The following PIGU variants were observed in gnomAD, a reference collection of about 807,000 sequenced individuals.
PIGU encodes the protein phosphatidylinositol glycan anchor biosynthesis class U, also known as GPI-anchor transamidase component PIGU.
A neutral mutation model predicts 49.9 loss-of-function variants in PIGU; 24 were observed. The ratio of observed to expected loss-of-function variants is 0.48; its 90% CI spans 0.35 to 0.68. The LOEUF is 0.68. Among genes scored for constraint, PIGU ranks in the 30% least tolerant of loss-of-function variants. PIGU has a pLI of 0.01. For missense variants in PIGU, 490 were observed against 532.6 expected, an observed-to-expected ratio of 0.92 and a Z score of 0.79; for synonymous variants, 220 against 205.7, an observed-to-expected ratio of 1.07 and a Z score of -0.59.
chr20:34,585,055 AAACTCC>A, intron 9 of PIGU, among the ~76,000 whole-genome samples: 1 of 152,112 alleles, frequency 6.6e-6, no homozygotes, highest in African/African-American at 2.4e-5. Context: ...GGCTGGTCTC[AAACTCC>A]TGGCCTCAAG....
chr20:34,644,852 C>T (rs1167014887), intron 3 of PIGU, among the ~76,000 whole-genome samples: 1 of 152,108 alleles, frequency 6.6e-6, no homozygotes, highest in African/African-American at 2.4e-5. Flanking sequence ...AATCTCAGAG[C>T]TAGAAAATTC....
At chr20:34,654,491 A>C (rs1986647916) in intron 2 of PIGU, among the ~76,000 whole-genome samples, 1 of 115,808 alleles carries the variant, frequency 8.6e-6, no homozygotes, top group Non-Finnish European at 1.8e-5. Flanking sequence ...CAAAAAAAAA[A>C]AAAAAAAAGT....
intron 6 of PIGU, among the ~76,000 whole-genome samples, chr20:34,620,047 CAA>C: frequency 6.6e-6 from 1 of 152,142 alleles, no homozygotes; most frequent in Non-Finnish European, 1.5e-5. Flanking sequence ...AGCGGTCTCC[CAA>C]CCACCTCCCA....
At chr20:34,608,146 C>T (rs1984686220) in intron 7 of PIGU, among the ~76,000 whole-genome samples, 2 of 149,680 alleles carry the variant, frequency 1.3e-5, no homozygotes, top group Non-Finnish European at 3.0e-5. Context: ...GCGATCTCGG[C>T]TCACTGCAAC....
chr20:34,638,929 C>CTTAAATGAGATTTAA (rs1986058018), intron 4 of PIGU, among the ~76,000 whole-genome samples: 1 of 152,124 alleles, frequency 6.6e-6, no homozygotes, highest in African/African-American at 2.4e-5. Context: ...ATCAAAGAAT[C>CTTAAATGAGATTTAA]TCATTTAGAC....
At chr20:34,650,700 C>CTTTTTTATTTTTTTTTTTT (rs1986510004) in intron 2 of PIGU, among the ~76,000 whole-genome samples, 1 of 38,778 alleles carries the variant, frequency 2.6e-5, no homozygotes, top group Non-Finnish European at 4.4e-5. Flanking sequence ...CTTTTTTTCT[C>CTTTTTTATTTTTTTTTTTT]TTTTTTTTTT....
intron 6 of PIGU, among the ~76,000 whole-genome samples, chr20:34,631,391 G>T (rs1985702962): frequency 6.6e-6 from 1 of 151,800 alleles, no homozygotes; most frequent in African/African-American, 2.4e-5. Flanking sequence ...GTAGAATTTG[G>T]AAAAGTTGTT....
intron 9 of PIGU, among the ~76,000 whole-genome samples, chr20:34,582,576 A>C (rs1290638047): frequency 6.6e-6 from 1 of 152,036 alleles, no homozygotes; most frequent in Non-Finnish European, 1.5e-5. Context: ...GCTATTCAGG[A>C]GGCTGAGGTG....
In PIGU at chr20:34,656,378, G is replaced by A. The variant is rs1463919907; in HGVS notation, c.195+802C>T. ...GCTCACTGCAAGCTCCACCTCCCGG[G>A]TTCGCGCCATTCTCCTGCCTCAGCC... On this transcript the variant is annotated intron_variant, in intron 2 of 11. Transcript: ENST00000217446. Among the ~76,000 whole-genome samples the A allele has an allele frequency of 6.2e-5, 7 of 113,424 alleles. 3 individuals carry two copies. In the Admixed American group the frequency reaches 8.2e-4, roughly 13 times the overall value. The allele number at this position is 113,424 out of a possible 152,430, so 74.4% of individuals were successfully genotyped here. A position where few individuals can be genotyped will look rare whatever the true frequency, so the allele number is the denominator to read the frequency against.
intron 11 of PIGU, chr20:34,562,502 T>C (rs2146686621): frequency 7.8e-7 from 1 of 1,289,376 alleles, no homozygotes; most frequent in Non-Finnish European, 1.0e-6. Flanking sequence ...GAAGGTGTCC[T>C]GTCACCAGCA....
intron 7 of PIGU, among the ~76,000 whole-genome samples, chr20:34,600,808 G>T (rs936132384): frequency 3.3e-5 from 5 of 152,162 alleles, no homozygotes; most frequent in African/African-American, 1.2e-4. Flanking sequence ...GCTGAGGCAG[G>T]TAGATCACCT....
intron 2 of PIGU, among the ~76,000 whole-genome samples, chr20:34,655,106 A>C (rs549047489): frequency 1.7e-5 from 2 of 119,806 alleles, no homozygotes; most frequent in South Asian, 4.8e-4. Context: ...CAGGAGTTCA[A>C]GACCAGCCTG....
intron 1 of PIGU, among the ~76,000 whole-genome samples, chr20:34,660,051 A>T (rs77366453): frequency 6.7e-6 from 1 of 149,508 alleles, no homozygotes; most frequent in Non-Finnish European, 1.5e-5. Context: ...TGATCAATAA[A>T]AAAAAAAAAA....
At chr20:34,562,091 A>C (rs1463514179) in intron 11 of PIGU, among the ~76,000 whole-genome samples, 2 of 152,152 alleles carry the variant, frequency 1.3e-5, no homozygotes, top group Non-Finnish European at 2.9e-5. Context: ...AGCTCAGCCC[A>C]CTGTCTCTTC....
At chr20:34,624,767 G>T (rs1054401537) in intron 6 of PIGU, among the ~76,000 whole-genome samples, 4 of 152,098 alleles carry the variant, frequency 2.6e-5, no homozygotes, top group Admixed American at 6.5e-5. Flanking sequence ...ATATCAACCT[G>T]CCCAAAGACC....
chr20:34,605,585 A>T (rs1257498058), intron 7 of PIGU, among the ~76,000 whole-genome samples: 7 of 152,228 alleles, frequency 4.6e-5, no homozygotes, highest in African/African-American at 1.7e-4. Flanking sequence ...GACATGTATT[A>T]ACCCTTTGCA....
chr20:34,566,048 G>A (rs918621257), intron 11 of PIGU, among the ~76,000 whole-genome samples: 4 of 151,066 alleles, frequency 2.6e-5, no homozygotes, highest in South Asian at 2.1e-4. Flanking sequence ...ATACACGCAC[G>A]CTCTCACTGC....
rs1177427831 is a variant in PIGU, at chr20:34,656,324, C to T, written c.195+856G>A. ...TTGAGACGGAGTCTCGCTCTGTCAC[C>T]CAGGCTGGAGTGCAGTGGTGCGATC... On this transcript the variant is annotated intron_variant, in intron 2 of 11. Coordinates refer to ENST00000217446, the MANE Select transcript of PIGU (RefSeq NM_080476.5). Among the ~76,000 whole-genome samples, 4 of 101,274 alleles carry T rather than the reference C, an allele frequency of 3.9e-5. 1 individual carries two copies. The South Asian group carries it at 1.1e-3, about 28-fold the overall frequency. The allele number at this position is 101,274 out of a possible 152,430, so 66.4% of individuals were successfully genotyped here.
rs142830122 is a variant in PIGU, at chr20:34,637,204, G to A, written c.428+672C>T. Among the ~76,000 whole-genome samples the A allele has an allele frequency of 8.4e-3, 1,283 of 152,304 alleles. 25 individuals carry two copies. Among genetic ancestry groups the A allele is most frequent in the African/African-American group, 0.029 (1,215 of 41,562 alleles). The stretch of plus-strand genomic sequence containing the variant: ...CTTCTAATTCTGAAGTTCTAAGGGC[G>A]TGTTTTTCCACGAGGAAACTTGTTT... On this transcript the variant is annotated intron_variant, in intron 5 of 11. Coordinates refer to ENST00000217446, the MANE Select transcript of PIGU (RefSeq NM_080476.5).
Sources: gnomAD v4.1 joint callset for allele counts (sites outside exome capture counted in the v4.1 genomes callset) on GRCh38, gnomAD v4.1.1 for gene constraint, MANE v1.5 for transcripts, NCBI Gene and HGNC (gene_info 2026-07-23, HGNC 2026-07-21) for gene names.